GUCY1A2: variants seen among roughly 807,000 people sequenced by gnomAD.
The protein encoded by GUCY1A2 is guanylate cyclase 1 soluble subunit alpha 2.
In GUCY1A2, 27 loss-of-function variants were observed where a neutral mutation model predicts 63.5. The ratio of observed to expected loss-of-function variants is 0.43; its 90% CI spans 0.31 to 0.59. GUCY1A2 has a LOEUF of 0.59. GUCY1A2 is among the 20% of genes least tolerant of loss of function. The pLI is 0.11. For synonymous variants in GUCY1A2, 364 were observed against 343.5 expected (o/e 1.06, Z -0.66); for missense variants, 768 against 913.3 (o/e 0.84, Z 2.05).
At chr11:106,888,792 A>G (rs975705037) in intron 4 of GUCY1A2, among the ~76,000 whole-genome samples, 1 of 152,178 alleles carries the variant, frequency 6.6e-6, no homozygotes, top group Non-Finnish European at 1.5e-5. Context: ...AAGCAATCTG[A>G]TTTCCTTTCC....
rs1356895652 is a variant in GUCY1A2 at position 106,678,160 on chromosome 11, C to T, written c.*9389G>A. The stretch of plus-strand genomic sequence containing the variant: ...CCCTGAATTACTTTAGATAATTATA[C>T]AGTCCTCTAGTTTATCTAGACCTTC... On this transcript the variant is annotated 3_prime_UTR_variant, in exon 8 of 8. Coordinates refer to ENST00000526355, the MANE Select transcript of GUCY1A2 (RefSeq NM_000855.3). 1 of 196,438 alleles carries T rather than the reference C, an allele frequency of 5.1e-6. No individual in the cohort carries two copies. The highest frequency in any genetic ancestry group is 1.1e-5 in the Non-Finnish European group (1 of 94,616). 12.2% of individuals were successfully genotyped at this position (196,438 alleles called of 1,614,324 possible).
chr11:106,857,165 C>T (rs531277840), intron 4 of GUCY1A2, among the ~76,000 whole-genome samples: 38 of 152,162 alleles, frequency 2.5e-4, no homozygotes, highest in Non-Finnish European at 3.7e-4. Context: ...ATGGCTTAAA[C>T]AGCATTTATT....
chr11:106,761,980 C>T (rs1864074144), intron 6 of GUCY1A2, among the ~76,000 whole-genome samples: 1 of 152,118 alleles, frequency 6.6e-6, no homozygotes, highest in Non-Finnish European at 1.5e-5. Context: ...GATCACTAAT[C>T]ATAACCTCAT....
intron 2 of GUCY1A2, among the ~76,000 whole-genome samples, chr11:106,983,280 C>A (rs1276061310): frequency 6.6e-6 from 1 of 152,094 alleles, no homozygotes; most frequent in African/African-American, 2.4e-5. Context: ...ATTTCCCCAA[C>A]TTGAATGATC....
chr11:106,678,302 C>T lies in GUCY1A2; in HGVS notation c.*9247G>A. On this transcript the variant is annotated 3_prime_UTR_variant, in exon 8 of 8. Coordinates refer to ENST00000526355, the MANE Select transcript of GUCY1A2 (RefSeq NM_000855.3). ...CCAAGCCAAGGTTAAGTTTTGGTTT[C>T]AGTGTGGTAATTTTTACCAAAAAAA... 4.9e-6 allele frequency: 1 copy of T among 205,946 alleles called. No individual in the cohort carries two copies. Among genetic ancestry groups the T allele is most frequent in the Non-Finnish European group, 9.9e-6 (1 of 100,740 alleles). 12.8% of individuals were successfully genotyped at this position (205,946 alleles called of 1,614,324 possible). A position where few individuals can be genotyped will look rare whatever the true frequency, so the allele number is the denominator to read the frequency against.
At chr11:106,696,227 CT>C (rs1862716700) in intron 7 of GUCY1A2, among the ~76,000 whole-genome samples, 1 of 152,098 alleles carries the variant, frequency 6.6e-6, no homozygotes, top group South Asian at 2.1e-4. Context: ...CTTTAACAGC[CT>C]AAAAACTCCA....
chr11:106,784,275 C>A (rs1487718239), intron 5 of GUCY1A2, among the ~76,000 whole-genome samples: 3 of 152,124 alleles, frequency 2.0e-5, no homozygotes. Context: ...CCGGTGCCAG[C>A]CACAACCCTG....
chr11:106,971,794 C>T lies in GUCY1A2; in HGVS notation c.487+6825G>A, dbSNP rs992792009. Among the ~76,000 whole-genome samples the T allele has an allele frequency of 3.9e-5, 6 of 152,098 alleles. No homozygotes were observed. In the East Asian group the frequency reaches 1.2e-3, roughly 29 times the overall value. ...AATAGCAATGAGTACAACCAATGCC[C>T]AGGTCATGGTTTCCAATACCATTCT... On this transcript the variant is annotated intron_variant, in intron 3 of 7. Transcript: ENST00000526355.
chr11:106,926,005 T>C (rs1860516481), intron 4 of GUCY1A2, among the ~76,000 whole-genome samples: 1 of 152,224 alleles, frequency 6.6e-6, no homozygotes, highest in Admixed American at 6.5e-5. Context: ...TCACCTATGA[T>C]AGTATGATCT....
chr11:106,872,025 A>C (rs1022882817), intron 4 of GUCY1A2, among the ~76,000 whole-genome samples: 1 of 152,100 alleles, frequency 6.6e-6, no homozygotes, highest in Non-Finnish European at 1.5e-5. Context: ...ATTTTTATCA[A>C]AAGTTAGAAT....
chr11:107,004,976 T>C (rs981981635), intron 1 of GUCY1A2, among the ~76,000 whole-genome samples: 6 of 152,278 alleles, frequency 3.9e-5, no homozygotes, highest in Middle Eastern at 3.4e-3. Flanking sequence ...TCTGTTAAAG[T>C]CCTATGACCA....
At chr11:106,734,024 T>TAGTA (rs920271066) in intron 6 of GUCY1A2, among the ~76,000 whole-genome samples, 89 of 152,274 alleles carry the variant, frequency 5.8e-4, no homozygotes, top group Middle Eastern at 6.8e-3. Context: ...GGTAACAATA[T>TAGTA]AGTAATCTCC....
chr11:106,743,255 A>G (rs887901282), intron 6 of GUCY1A2, among the ~76,000 whole-genome samples: 2 of 152,202 alleles, frequency 1.3e-5, no homozygotes, highest in African/African-American at 4.8e-5. Context: ...TTCATAATAC[A>G]TAAAGCTACC....
At chr11:106,819,410 C>T (rs117392216) in intron 4 of GUCY1A2, among the ~76,000 whole-genome samples, 1,969 of 152,152 alleles carry the variant, frequency 0.013, 27 homozygotes, top group South Asian at 0.049. Context: ...ACGAGTCAAT[C>T]GATGCAGCAA....
At chr11:106,842,653 G>C (rs533411409) in intron 4 of GUCY1A2, among the ~76,000 whole-genome samples, 3 of 152,064 alleles carry the variant, frequency 2.0e-5, no homozygotes, top group Non-Finnish European at 2.9e-5. Context: ...AAATGGAGTT[G>C]CATCTGTATT....
intron 4 of GUCY1A2, among the ~76,000 whole-genome samples, chr11:106,881,348 T>G (rs1859820647): frequency 6.6e-6 from 1 of 152,060 alleles, no homozygotes; most frequent in Non-Finnish European, 1.5e-5. Context: ...TGGCCATAAC[T>G]CAGTAAAGCT....
In GUCY1A2 at chr11:106,853,620, T is replaced by C. The variant is rs1591302614; in HGVS notation, c.1207-43142A>G. Reference sequence around the variant, plus strand: ...CACTAAGTTTCCTTAAGATCATTATTTTGAATTTTTTCGGACATTTAATAG... The same window carrying C: ...CACTAAGTTTCCTTAAGATCATTATCTTGAATTTTTTCGGACATTTAATAG... On this transcript the variant is annotated intron_variant, in intron 4 of 7. Transcript: ENST00000526355. Among the ~76,000 whole-genome samples, 3 of 152,306 alleles carry C rather than the reference T, an allele frequency of 2.0e-5. No homozygotes were observed. The East Asian group carries it at 5.8e-4, about 29-fold the overall frequency.
chr11:106,985,994 C>T, intron 2 of GUCY1A2, 76 bp downstream of exon 2: 4 of 823,214 alleles, frequency 4.9e-6, no homozygotes, highest in Non-Finnish European at 8.6e-6. Context: ...AGCAGAAAAT[C>T]ACATACTCAA....
chr11:106,711,261 A>G (rs959924409), intron 6 of GUCY1A2, among the ~76,000 whole-genome samples: 24 of 152,160 alleles, frequency 1.6e-4, no homozygotes, highest in African/African-American at 5.6e-4. Flanking sequence ...GATAAGTGAG[A>G]AAAAGATGTC....
Sources: allele counts gnomAD v4.1 joint callset (sites outside exome capture counted in the v4.1 genomes callset), GRCh38; gene constraint gnomAD v4.1.1; transcripts MANE v1.5; gene names NCBI Gene and HGNC (gene_info 2026-07-23, HGNC 2026-07-21).